The following WDPCP variants were observed in gnomAD, a reference collection of about 807,000 sequenced individuals.
The protein encoded by WDPCP is WD repeat containing planar cell polarity effector, also known as WD repeat-containing and planar cell polarity effector protein fritz homolog.
WDPCP carries 71 observed loss-of-function variants against 93.1 expected under a neutral mutation model. The observed-to-expected ratio is 0.76, with a 90% CI of 0.63 to 0.93. The LOEUF (loss-of-function observed/expected upper bound fraction) is 0.93. WDPCP is among the 40% of genes least tolerant of loss of function. The probability of loss-of-function intolerance (pLI) is 0.00; values close to 1 mark genes in which losing one functional copy is unlikely to be tolerated. For synonymous variants in WDPCP, 315 were observed against 315.0 expected, an observed-to-expected ratio of 1.00 and a Z score of 0.00; for missense variants, 844 against 887.4, an observed-to-expected ratio of 0.95 and a Z score of 0.62.
intron 1 of WDPCP, among the ~76,000 whole-genome samples, chr2:63,512,436 G>A (rs1236751266): frequency 1.3e-5 from 2 of 152,142 alleles, no homozygotes; most frequent in African/African-American, 4.8e-5. Context: ...AAAGACATAT[G>A]CACATCTATG....
chr2:63,227,899 G>T (rs553377668), intron 14 of WDPCP, among the ~76,000 whole-genome samples: 1 of 151,950 alleles, frequency 6.6e-6, no homozygotes, highest in Admixed American at 6.6e-5. Flanking sequence ...AAGGAACAGA[G>T]TATAAATCTA....
chr2:63,202,305 C>G (rs1420179664), intron 14 of WDPCP, among the ~76,000 whole-genome samples: 1 of 151,952 alleles, frequency 6.6e-6, no homozygotes, highest in Non-Finnish European at 1.5e-5. Context: ...GCTTTCACAT[C>G]AGGGTGTATT....
intron 12 of WDPCP, among the ~76,000 whole-genome samples, chr2:63,370,710 T>C (rs1691306304): frequency 6.6e-6 from 1 of 152,188 alleles, no homozygotes; most frequent in African/African-American, 2.4e-5. Flanking sequence ...TTAAATCTTC[T>C]ATTTCTTTTT....
chr2:63,407,739 G>A (rs555995076), intron 9 of WDPCP, among the ~76,000 whole-genome samples: 1 of 152,150 alleles, frequency 6.6e-6, no homozygotes, highest in African/African-American at 2.4e-5. Context: ...TTGTACCTGT[G>A]TAGCAGCTAG....
At chr2:63,608,082 G>A (rs565800220) in intron 3 of WDPCP, among the ~76,000 whole-genome samples, 98 of 152,092 alleles carry the variant, frequency 6.4e-4, no homozygotes, top group African/African-American at 2.2e-3. Flanking sequence ...AAAGGTTTAC[G>A]CTTTGTAGAT....
At chr2:63,566,826 C>T (rs181308713) in intron 1 of WDPCP, among the ~76,000 whole-genome samples, 2 of 152,310 alleles carry the variant, frequency 1.3e-5, no homozygotes, top group African/African-American at 4.8e-5. Context: ...GACTGACTAG[C>T]TATATATTCA....
At chr2:63,218,286 T>C (rs1311386812) in intron 14 of WDPCP, among the ~76,000 whole-genome samples, 4 of 152,140 alleles carry the variant, frequency 2.6e-5, no homozygotes, top group Non-Finnish European at 5.9e-5. Context: ...CAAATGAATA[T>C]ATATTACTTT....
intron 13 of WDPCP, among the ~76,000 whole-genome samples, chr2:63,297,935 G>T (rs912085350): frequency 2.6e-5 from 4 of 152,162 alleles, no homozygotes; most frequent in Non-Finnish European, 5.9e-5. Flanking sequence ...TATCATTAAT[G>T]GCTGCAGCCA....
chr2:63,413,176 A>G (rs1695148253), intron 9 of WDPCP, among the ~76,000 whole-genome samples: 1 of 152,218 alleles, frequency 6.6e-6, no homozygotes, highest in Admixed American at 6.5e-5. Context: ...AAATATGCAC[A>G]CAGGCCAATG....
chr2:63,715,405 C>A (rs1048658447), intron 2 of WDPCP, among the ~76,000 whole-genome samples: 3 of 152,190 alleles, frequency 2.0e-5, no homozygotes, highest in African/African-American at 7.2e-5. Flanking sequence ...GGACTATAAG[C>A]CATAGGTAGA....
At chr2:63,467,122 T>C (rs986464287) in intron 6 of WDPCP, among the ~76,000 whole-genome samples, 3 of 152,212 alleles carry the variant, frequency 2.0e-5, no homozygotes, top group Non-Finnish European at 2.9e-5. Context: ...TCATAGGTCA[T>C]TGAATTTTGG....
chr2:63,191,210 G>A (rs1675015235), intron 14 of WDPCP, among the ~76,000 whole-genome samples: 1 of 152,090 alleles, frequency 6.6e-6, no homozygotes. Flanking sequence ...GGATAACACG[G>A]TGAAACCCTG....
chr2:63,549,709 T>G (rs1319176632), intron 1 of WDPCP, among the ~76,000 whole-genome samples: 1 of 151,992 alleles, frequency 6.6e-6, no homozygotes, highest in Non-Finnish European at 1.5e-5. Context: ...GAGGTTGCAG[T>G]CAGCTGAGAT....
chr2:63,719,191 A>G (rs145069222), intron 2 of WDPCP, among the ~76,000 whole-genome samples: 64 of 152,338 alleles, frequency 4.2e-4, no homozygotes, highest in Non-Finnish European at 8.4e-4. Flanking sequence ...TCTCTCAGGC[A>G]TGACAGTACA....
At chr2:63,279,025 A>G (rs1179286388) in intron 13 of WDPCP, among the ~76,000 whole-genome samples, 3 of 152,238 alleles carry the variant, frequency 2.0e-5, no homozygotes, top group African/African-American at 7.2e-5. Context: ...GTCCAGGACC[A>G]GATGGATTCA....
chr2:63,373,445 G>C (rs549515894), intron 12 of WDPCP, among the ~76,000 whole-genome samples: 1 of 151,186 alleles, frequency 6.6e-6, no homozygotes, highest in Non-Finnish European at 1.5e-5. Flanking sequence ...TTGTAGAGAC[G>C]GGGTCTCACT....
At chr2:63,634,995 A>G (rs1482780707) in intron 3 of WDPCP, among the ~76,000 whole-genome samples, 1 of 152,044 alleles carries the variant, frequency 6.6e-6, no homozygotes, top group Non-Finnish European at 1.5e-5. Flanking sequence ...TAAATTAAGT[A>G]AGAAAAACAG....
At chr2:63,559,753 A>G (rs962336909) in intron 1 of WDPCP, among the ~76,000 whole-genome samples, 21 of 152,208 alleles carry the variant, frequency 1.4e-4, no homozygotes, top group Non-Finnish European at 1.0e-4. Flanking sequence ...TTCAAGGATA[A>G]CTACAATCCA....
intron 1 of WDPCP, among the ~76,000 whole-genome samples, chr2:63,821,277 C>G (rs915583503): frequency 3.9e-5 from 6 of 152,100 alleles, no homozygotes; most frequent in African/African-American, 1.4e-4. Context: ...AAGGTGAACT[C>G]TGGGTTGGCT....
Sources: gnomAD v4.1 joint callset for allele counts (sites outside exome capture counted in the v4.1 genomes callset) on GRCh38, gnomAD v4.1.1 for gene constraint, MANE v1.5 for transcripts, NCBI Gene and HGNC (gene_info 2026-07-23, HGNC 2026-07-21) for gene names.